ATP11A: variants seen among roughly 807,000 people sequenced by gnomAD.
ATP11A encodes the protein phospholipid-transporting ATPase IH.
A neutral mutation model predicts 154.4 loss-of-function variants in ATP11A; 81 were observed. That is an observed-to-expected ratio of 0.52 (90% confidence interval 0.44 to 0.63). The LOEUF is 0.63. Ranked by LOEUF, ATP11A falls within the 30% of genes least tolerant of loss-of-function variation. ATP11A has a pLI of 0.00. For synonymous variants in ATP11A, 623 were observed against 585.9 expected (o/e 1.06, Z -0.91); for missense variants, 1,316 against 1,474.3 (o/e 0.89, Z 1.76).
At chr13:112,734,490 G>A (rs1890798127) in intron 1 of ATP11A, among the ~76,000 whole-genome samples, 1 of 152,092 alleles carries the variant, frequency 6.6e-6, no homozygotes, top group Admixed American at 6.5e-5. Flanking sequence ...GGCAGAAATT[G>A]GGTTTCTAGT....
rs374100056 is a variant in ATP11A at position 112,851,236 on chromosome 13, A to T, written c.1991+18A>T. On this transcript the variant is annotated intron_variant, in intron 18 of 29. Transcript: ENST00000375645. ...GAGGACCGGTAAAGTAAACGCATGC[A>T]TCCCGTCCTGAGAGACAAACTGGGA... is the stretch of plus-strand genomic sequence containing the variant. The T allele has an allele frequency of 6.2e-7, 1 of 1,604,740 alleles. No homozygotes were observed. Among genetic ancestry groups the T allele is most frequent in the South Asian group, 1.1e-5 (1 of 90,848 alleles).
chr13:112,787,874 C>A (rs1179728803), intron 2 of ATP11A, among the ~76,000 whole-genome samples: 76 of 149,774 alleles, frequency 5.1e-4, no homozygotes, highest in East Asian at 6.1e-4. Flanking sequence ...CTTGTGGAGA[C>A]CTACTTAATT....
intron 1 of ATP11A, chr13:112,745,628 A>G (rs1892041782): frequency 6.6e-6 from 1 of 152,188 alleles, no homozygotes; most frequent in Non-Finnish European, 1.5e-5. Context: ...ACAGCTATAT[A>G]TTAGAATCAT....
At chr13:112,773,085 C>T (rs2077263623) in intron 1 of ATP11A, among the ~76,000 whole-genome samples, 2 of 152,108 alleles carry the variant, frequency 1.3e-5, no homozygotes, top group African/African-American at 4.8e-5. Flanking sequence ...TCCCAGAGCC[C>T]CGAGGGCTGT....
At chr13:112,698,290 G>A (rs1218515171) in intron 1 of ATP11A, among the ~76,000 whole-genome samples, 1 of 152,168 alleles carries the variant, frequency 6.6e-6, no homozygotes, top group Non-Finnish European at 1.5e-5. Flanking sequence ...CATCACTGCT[G>A]CGTCGAAGCC....
At position 112,696,953 on chromosome 13, in the gene ATP11A, A is replaced by AC. The variant is rs1491316437; in HGVS notation, c.39+6498_39+6499insC. ...CCCGCAGGCGACGGTGCTGAGAAAA[A>AC]GAGAGTGGGGTTGGGGGCAGTGCGT... On this transcript the variant is annotated intron_variant, in intron 1 of 29. Transcript: ENST00000375645. The surrounding 1 kb of genome is among the most constrained non-coding windows in gnomAD (Gnocchi z 6.2). 3 of 152,352 alleles carry AC rather than the reference A, an allele frequency of 2.0e-5. No individual in the cohort carries two copies. Among genetic ancestry groups the AC allele is most frequent in the African/African-American group, 7.2e-5 (3 of 41,420 alleles). The allele number at this position is 152,352 out of a possible 1,614,324, so 9.4% of individuals were successfully genotyped here.
intron 1 of ATP11A, chr13:112,745,644 A>G (rs1406962261): frequency 6.6e-6 from 1 of 152,186 alleles, no homozygotes; most frequent in East Asian, 1.9e-4. Context: ...ATCATATGAG[A>G]ATGAGTGAGG....
At chr13:112,798,617 GT>G (rs2078058856) in intron 2 of ATP11A, among the ~76,000 whole-genome samples, 1 of 152,194 alleles carries the variant, frequency 6.6e-6, no homozygotes, top group Non-Finnish European at 1.5e-5. Flanking sequence ...GAGAGTGGGC[GT>G]ATATTGTGGC....
At chr13:112,872,468 G>A (rs1337800338) in intron 26 of ATP11A, among the ~76,000 whole-genome samples, 6 of 152,282 alleles carry the variant, frequency 3.9e-5, no homozygotes, top group South Asian at 4.1e-4. Context: ...AAAAGTAGCC[G>A]GGCATGGTGG....
At chr13:112,732,442 A>ATC (rs1200871405) in intron 1 of ATP11A, among the ~76,000 whole-genome samples, 1 of 150,372 alleles carries the variant, frequency 6.7e-6, no homozygotes, top group African/African-American at 2.4e-5. Flanking sequence ...GTCTCTCTCC[A>ATC]TCTCTCTCTC....
chr13:112,793,025 G>T (rs764774388), intron 2 of ATP11A, among the ~76,000 whole-genome samples: 4 of 152,134 alleles, frequency 2.6e-5, no homozygotes, highest in Non-Finnish European at 5.9e-5. Flanking sequence ...TGATTTCCAT[G>T]TTTATTATAT....
intron 1 of ATP11A, among the ~76,000 whole-genome samples, chr13:112,769,582 A>T (rs1465178397): frequency 2.6e-5 from 4 of 152,216 alleles, no homozygotes; most frequent in African/African-American, 9.6e-5. Context: ...GCCGGCCCAT[A>T]GCTCAGTCAT....
At chr13:112,866,900 G>C (rs1416875341) in intron 25 of ATP11A, among the ~76,000 whole-genome samples, 2 of 152,036 alleles carry the variant, frequency 1.3e-5, no homozygotes, top group African/African-American at 4.8e-5. Context: ...AAAGCTTTAA[G>C]TTTTCTAGAA....
chr13:112,862,333 A>T, intron 24 of ATP11A, 107 bp from the exon 25 acceptor site: 1 of 1,386,890 alleles, frequency 7.2e-7, no homozygotes, highest in South Asian at 1.4e-5. Context: ...GGCCGTGCAC[A>T]TCTTATCCCA....
chr13:112,764,455 A>G (rs2077030287), intron 1 of ATP11A, among the ~76,000 whole-genome samples: 1 of 152,194 alleles, frequency 6.6e-6, no homozygotes, highest in Non-Finnish European at 1.5e-5. Flanking sequence ...TGGGTCTGTC[A>G]GGGTTAGAAG....
At chr13:112,824,599 G>A (rs969542022) in intron 10 of ATP11A, among the ~76,000 whole-genome samples, 174 bp downstream of exon 10, 14 of 152,130 alleles carry the variant, frequency 9.2e-5, no homozygotes, top group Admixed American at 7.9e-4. Flanking sequence ...GAGGTGGATG[G>A]CCACACCCCT....
intron 1 of ATP11A, among the ~76,000 whole-genome samples, chr13:112,742,010 C>A (rs951726542): frequency 4.6e-5 from 7 of 151,920 alleles, no homozygotes; most frequent in African/African-American, 1.7e-4. Flanking sequence ...GTCCCCCTCC[C>A]CACAGAAGAG....
chr13:112,842,275 G>A lies in ATP11A; in HGVS notation c.1706-1G>A. On this transcript the variant is annotated splice_acceptor_variant, in intron 16 of 29. Transcript: ENST00000375645. LOFTEE classifies it high-confidence loss of function. ...AACTCCTCATTTTTCTCATTTTGTAGGAGAAATTTATCTGTTTTGCAAAGG... is the reference window on the plus strand; with the variant it reads ...AACTCCTCATTTTTCTCATTTTGTAAGAGAAATTTATCTGTTTTGCAAAGG... 6.2e-7 allele frequency: 1 copy of A among 1,603,372 alleles called. No homozygotes were observed. Among genetic ancestry groups the A allele is most frequent in the South Asian group, 1.1e-5 (1 of 89,490 alleles).
At chr13:112,718,797 A>T (rs1888808062) in intron 1 of ATP11A, among the ~76,000 whole-genome samples, 1 of 151,448 alleles carries the variant, frequency 6.6e-6, no homozygotes, top group Admixed American at 6.6e-5. Flanking sequence ...CAGCTTCCTG[A>T]GTAGCTGGGA....
Sources: gnomAD v4.1 joint callset for allele counts (sites outside exome capture counted in the v4.1 genomes callset) on GRCh38, gnomAD v4.1.1 for gene constraint, Gnocchi (gnomAD v3.1) non-coding constraint, MANE v1.5 for transcripts, NCBI Gene and HGNC (gene_info 2026-07-23, HGNC 2026-07-21) for gene names.